Variants in ITGA9 observed in about 807,000 individuals in gnomAD.
ITGA9 encodes integrin subunit alpha 9.
In ITGA9, 56 loss-of-function variants were observed where a neutral mutation model predicts 127.8. The observed-to-expected ratio is 0.44, with a 90% CI of 0.35 to 0.55. The LOEUF is 0.55. ITGA9 is among the 20% of genes least tolerant of loss of function. The probability of loss-of-function intolerance (pLI) is 0.00; values close to 1 mark genes in which losing one functional copy is unlikely to be tolerated. For missense variants in ITGA9, 1,196 were observed against 1,347.1 expected (o/e 0.89, Z 1.76); for synonymous variants, 508 against 514.5 (o/e 0.99, Z 0.17).
intron 26 of ITGA9, among the ~76,000 whole-genome samples, chr3:37,785,880 T>G (rs1334786773): frequency 2.0e-5 from 3 of 152,182 alleles, no homozygotes; most frequent in Admixed American, 6.5e-5. Flanking sequence ...TAAAGTGCAG[T>G]TGGCACCAAG....
intron 18 of ITGA9, among the ~76,000 whole-genome samples, chr3:37,724,807 T>A (rs1020303818): frequency 1.3e-5 from 2 of 152,176 alleles, no homozygotes; most frequent in Non-Finnish European, 2.9e-5. Context: ...CAAAATCCCT[T>A]CTTACCTGTC....
chr3:37,653,701 G>C lies in ITGA9; in HGVS notation c.1840-13G>C. On this transcript the variant is annotated splice_polypyrimidine_tract_variant and intron_variant, in intron 16 of 27. Coordinates refer to ENST00000264741, the MANE Select transcript of ITGA9 (RefSeq NM_002207.3). ...AATCCTGCCCTAACCTTCCTCTCCT[G>C]TCTTTCTCACAGACTGTTTTTGAAA... is the stretch of plus-strand genomic sequence containing the variant. The C allele has an allele frequency of 1.2e-6, 2 of 1,605,072 alleles. No homozygotes were observed. The highest frequency in any genetic ancestry group is 1.7e-6 in the Non-Finnish European group (2 of 1,172,018).
intron 15 of ITGA9, among the ~76,000 whole-genome samples, chr3:37,575,314 G>A (rs1055320891): frequency 1.3e-5 from 2 of 152,192 alleles, no homozygotes; most frequent in African/African-American, 4.8e-5. Flanking sequence ...GCATTTAACA[G>A]CATATTCCAT....
chr3:37,508,250 C>T (rs563002959), intron 7 of ITGA9, among the ~76,000 whole-genome samples: 88 of 152,322 alleles, frequency 5.8e-4, no homozygotes, highest in African/African-American at 1.9e-3. Context: ...AAACAAAATA[C>T]TAGCTTTTTC....
At chr3:37,687,328 C>T (rs9851905) in intron 18 of ITGA9, among the ~76,000 whole-genome samples, 11,490 of 151,936 alleles carry the variant, frequency 0.076, 1,325 homozygotes, top group African/African-American at 0.25. Context: ...TTTAATGATG[C>T]GGAGGTGTTT....
chr3:37,498,606 G>GTGTCAGCATGTGC (rs1698756240), intron 5 of ITGA9, among the ~76,000 whole-genome samples: 1 of 152,174 alleles, frequency 6.6e-6, no homozygotes, highest in Admixed American at 6.5e-5. Context: ...GAAACATGGG[G>GTGTCAGCATGTGC]TGTCAGCATG....
At chr3:37,693,222 T>A (rs927764413) in intron 18 of ITGA9, among the ~76,000 whole-genome samples, 1 of 152,102 alleles carries the variant, frequency 6.6e-6, no homozygotes, top group Non-Finnish European at 1.5e-5. Flanking sequence ...GAGACTGAGA[T>A]AGATGGATAG....
intron 14 of ITGA9, among the ~76,000 whole-genome samples, chr3:37,542,181 C>A (rs1183336586): frequency 6.6e-6 from 1 of 152,026 alleles, no homozygotes; most frequent in Non-Finnish European, 1.5e-5. Context: ...CAGGGAGAGC[C>A]GTGAAGTATG....
chr3:37,570,495 A>G (rs1699590016), intron 15 of ITGA9, among the ~76,000 whole-genome samples: 1 of 152,164 alleles, frequency 6.6e-6, no homozygotes, highest in South Asian at 2.1e-4. Flanking sequence ...CTTTTCCAGT[A>G]TGTTGCCCAC....
intron 15 of ITGA9, among the ~76,000 whole-genome samples, chr3:37,574,547 T>G (rs1354060718): frequency 6.6e-6 from 1 of 152,246 alleles, no homozygotes; most frequent in Non-Finnish European, 1.5e-5. Flanking sequence ...CTTATGGTTT[T>G]AACCAATAAG....
At chr3:37,698,788 C>T (rs544626967) in intron 18 of ITGA9, among the ~76,000 whole-genome samples, 11 of 152,314 alleles carry the variant, frequency 7.2e-5, no homozygotes, top group African/African-American at 2.6e-4. Context: ...TTTACACCCT[C>T]ACCAGCAATG....
At chr3:37,757,159 T>G (rs1357224658) in intron 23 of ITGA9, among the ~76,000 whole-genome samples, 1 of 151,778 alleles carries the variant, frequency 6.6e-6, no homozygotes, top group Non-Finnish European at 1.5e-5. Flanking sequence ...GAAGGTATTA[T>G]TAAAGACAAA....
intron 18 of ITGA9, among the ~76,000 whole-genome samples, chr3:37,690,291 C>A (rs1432840040): frequency 6.6e-6 from 1 of 152,074 alleles, no homozygotes; most frequent in East Asian, 1.9e-4. Flanking sequence ...AAGAGGCTGC[C>A]CATGTTGAAC....
intron 15 of ITGA9, among the ~76,000 whole-genome samples, chr3:37,587,453 A>T (rs181017827): frequency 6.6e-6 from 1 of 152,164 alleles, no homozygotes; most frequent in Non-Finnish European, 1.5e-5. Context: ...TGTTGAATCA[A>T]TTGTTATCAG....
intron 15 of ITGA9, among the ~76,000 whole-genome samples, chr3:37,610,489 C>G (rs1425133408): frequency 6.6e-6 from 1 of 152,162 alleles, no homozygotes; most frequent in Non-Finnish European, 1.5e-5. Context: ...GAGTGTTCTG[C>G]TATAAATCCT....
At chr3:37,596,921 G>A (rs1699876021) in intron 15 of ITGA9, among the ~76,000 whole-genome samples, 1 of 152,198 alleles carries the variant, frequency 6.6e-6, no homozygotes, top group Non-Finnish European at 1.5e-5. Flanking sequence ...CATGGCCAGA[G>A]AAAAGCCAAC....
At chr3:37,548,365 T>C (rs1239633302) in intron 15 of ITGA9, among the ~76,000 whole-genome samples, 1 of 152,230 alleles carries the variant, frequency 6.6e-6, no homozygotes, top group Non-Finnish European at 1.5e-5. Context: ...GAACATATTC[T>C]AAGATCGTGG....
At chr3:37,599,159 C>T (rs545631856) in intron 15 of ITGA9, among the ~76,000 whole-genome samples, 2 of 152,318 alleles carry the variant, frequency 1.3e-5, no homozygotes, top group Admixed American at 6.5e-5. Flanking sequence ...TGTCAGTTAG[C>T]ATTTGCTGAG....
chr3:37,495,148 T>C (rs1276860714), intron 5 of ITGA9, among the ~76,000 whole-genome samples: 1 of 152,138 alleles, frequency 6.6e-6, no homozygotes, highest in East Asian at 1.9e-4. Flanking sequence ...AGACGGGGTT[T>C]CGCCATGTTG....
Sources: gnomAD v4.1 joint callset for allele counts (sites outside exome capture counted in the v4.1 genomes callset) on GRCh38, gnomAD v4.1.1 for gene constraint, MANE v1.5 for transcripts, NCBI Gene and HGNC (gene_info 2026-07-23, HGNC 2026-07-21) for gene names.